MBP: variants seen among roughly 807,000 people sequenced by gnomAD.
The protein encoded by MBP is myelin basic protein, also known as Golli-MBP.
Under a neutral mutation model 35.8 loss-of-function variants are expected in MBP, and 16 were observed. The observed-to-expected ratio is 0.45, with a 90% CI of 0.30 to 0.68. The LOEUF (loss-of-function observed/expected upper bound fraction) is 0.68. Among genes scored for constraint, MBP ranks in the 30% least tolerant of loss-of-function variants. The pLI is 0.08. For missense variants in MBP, 380 were observed against 404.7 expected (o/e 0.94, Z 0.52); for synonymous variants, 143 against 159.6 (o/e 0.90, Z 0.78).
intron 2 of MBP, among the ~76,000 whole-genome samples, chr18:77,068,293 C>T (rs553149257): frequency 1.4e-4 from 21 of 152,164 alleles, no homozygotes; most frequent in African/African-American, 4.8e-4. Context: ...CAGACGCCCC[C>T]GTATGAAGTA....
intron 3 of MBP, among the ~76,000 whole-genome samples, chr18:77,018,215 A>G (rs62105706): frequency 0.28 from 41,549 of 146,500 alleles, 7,022 homozygotes; most frequent in Admixed American, 0.38. Flanking sequence ...CCATGCATCC[A>G]TCCATCCCCC....
At chr18:76,994,155 C>T (rs574331211) in intron 4 of MBP, among the ~76,000 whole-genome samples, 21 of 152,310 alleles carry the variant, frequency 1.4e-4, no homozygotes, top group Non-Finnish European at 2.2e-4. Flanking sequence ...AACTGTAAGA[C>T]GTACATCTTT....
In MBP at chr18:77,055,710, T is replaced by G. The variant is rs533596546; in HGVS notation, c.139+10588A>C. 4.6e-5 allele frequency among the ~76,000 whole-genome samples: 7 copies of G among 152,286 alleles called. No homozygotes were observed. The South Asian group carries it at 1.5e-3, about 32-fold the overall frequency. Reference sequence around the variant, plus strand: ...GCTTTAAATAAGGTGGTGTTTGGCCTCTGTTTTGTTTTCAGGTAAAGCAAA... The same window carrying G: ...GCTTTAAATAAGGTGGTGTTTGGCCGCTGTTTTGTTTTCAGGTAAAGCAAA... On this transcript the variant is annotated intron_variant, in intron 3 of 8. Coordinates refer to ENST00000355994, the MANE Select transcript of MBP (RefSeq NM_001025101.2).
chr18:77,131,073 GCGCACGCA>G lies in MBP; in HGVS notation c.-26+1499_-26+1506del, dbSNP rs753819106. ...CTCAAAAAACAAAACACACACACGCGCGCACGCACGCGCACACACACACACACACACAC... is the reference window on the plus strand; with the variant it reads ...CTCAAAAAACAAAACACACACACGCGCGCGCACACACACACACACACACAC... On this transcript the variant is annotated intron_variant, in intron 1 of 8. Coordinates refer to ENST00000355994, the MANE Select transcript of MBP (RefSeq NM_001025101.2). This position sits in a 1 kb window ranked among gnomAD's most constrained non-coding sequence, Gnocchi z 5.5. 5.8e-3 allele frequency among the ~76,000 whole-genome samples: 217 copies of G among 37,166 alleles called. 2 individuals carry two copies. Among genetic ancestry groups the G allele is most frequent in the Middle Eastern group, 0.04 (2 of 50 alleles). The allele number at this position is 37,166 out of a possible 152,430, so 24.4% of individuals were successfully genotyped here.
chr18:77,066,334 G>A lies in MBP; in HGVS notation c.103C>T (p.Leu35Phe), dbSNP rs780985755. The A allele has an allele frequency of 2.5e-6, 4 of 1,614,036 alleles. No homozygotes were observed. In the African/African-American group the frequency reaches 5.3e-5, roughly 22 times the overall value. ...ESEKKRNLGE[L>F]SRTTSEDNEV... ...TTGTCCTCTGAGGTTGTCCGTGAAA[G>A]TTCACCCAGGTTTCTCTTTTTTTCA... The change falls in exon 3 of 9, where the codon CTT (leucine) becomes TTT (phenylalanine). Residue 35 changes from leucine (L) to phenylalanine (F), a missense_variant. Transcript: ENST00000355994.
At chr18:77,016,207 T>C in intron 4 of MBP, 1 of 983,384 alleles carries the variant, frequency 1.0e-6, no homozygotes, top group Non-Finnish European at 1.2e-6. Flanking sequence ...ATAAAGAAAC[T>C]TCTAAGACTC....
rs1186389439 is a variant in MBP at position 77,131,019 on chromosome 18, T to A, written c.-26+1561A>T. On this transcript the variant is annotated intron_variant, in intron 1 of 8. Transcript: ENST00000355994. This position sits in a 1 kb window ranked among gnomAD's most constrained non-coding sequence, Gnocchi z 5.5. ...GTTCTTTTCCCTCAGATTTCTGTTT[T>A]TCCCACAAAAAAAAAAAAAAAACAA... is the stretch of plus-strand genomic sequence containing the variant. 9.8e-6 allele frequency among the ~76,000 whole-genome samples: 1 copy of A among 102,032 alleles called. No homozygotes were observed. Among genetic ancestry groups the A allele is most frequent in the Non-Finnish European group, 2.1e-5 (1 of 48,414 alleles). 66.9% of individuals were successfully genotyped at this position (102,032 alleles called of 152,430 possible). A position where few individuals can be genotyped will look rare whatever the true frequency, so the allele number is the denominator to read the frequency against.
chr18:77,096,507 A>C (rs1975762937), intron 2 of MBP, among the ~76,000 whole-genome samples: 1 of 152,220 alleles, frequency 6.6e-6, no homozygotes, highest in Non-Finnish European at 1.5e-5. Flanking sequence ...ACAGACCAAT[A>C]AGTTACTCTC....
At chr18:77,005,298 G>A (rs931687894) in intron 4 of MBP, 6 of 152,220 alleles carry the variant, frequency 3.9e-5, no homozygotes, top group Admixed American at 1.3e-4. Context: ...GCTTTCCGCC[G>A]GGTGGCTGTG....
intron 4 of MBP, among the ~76,000 whole-genome samples, chr18:76,997,925 G>A (rs969588894): frequency 9.9e-5 from 15 of 151,670 alleles, no homozygotes; most frequent in African/African-American, 1.9e-4. Flanking sequence ...CTCGTGATCC[G>A]CCCGCCTCGG....
intron 1 of MBP, among the ~76,000 whole-genome samples, chr18:77,129,340 G>A (rs1041131732): frequency 2.0e-5 from 3 of 152,208 alleles, no homozygotes; most frequent in African/African-American, 7.2e-5. Context: ...ACATGCACTC[G>A]TGGTTGTTGC....
rs555629128 is a variant in MBP at position 77,028,775 on chromosome 18, G to A, written c.140-11507C>T. Among the ~76,000 whole-genome samples, 67 of 103,596 alleles carry A rather than the reference G, an allele frequency of 6.5e-4. 13 individuals carry two copies. The East Asian group carries it at 0.017, about 27-fold the overall frequency. 68.0% of individuals were successfully genotyped at this position (103,596 alleles called of 152,430 possible). A position where few individuals can be genotyped will look rare whatever the true frequency, so the allele number is the denominator to read the frequency against. On this transcript the variant is annotated intron_variant, in intron 3 of 8. Transcript: ENST00000355994. ...TGATCCCCCCACCTCCCTCCCGGAC[G>A]GGGTGGCTGCTGGGCGGAGGGACTC...
At chr18:76,982,336 C>A (rs1481542647) in intron 8 of MBP, 1 of 152,240 alleles carries the variant, frequency 6.6e-6, no homozygotes, top group African/African-American at 2.4e-5. Flanking sequence ...GCTGAACTCA[C>A]AAGGTGAGGG....
chr18:77,034,908 C>T (rs562525295), intron 3 of MBP, among the ~76,000 whole-genome samples: 4 of 152,340 alleles, frequency 2.6e-5, no homozygotes, highest in African/African-American at 7.2e-5. Flanking sequence ...ACTGTGTTTC[C>T]TGAAGCCCGG....
chr18:77,029,444 G>GGGAGGA (rs1972455708), intron 3 of MBP, among the ~76,000 whole-genome samples: 1 of 127,954 alleles, frequency 7.8e-6, no homozygotes, highest in Non-Finnish European at 1.7e-5. Context: ...GAGAGGGAGG[G>GGGAGGA]GGAGGGGGAG....
At chr18:76,993,568 A>AC (rs567776054) in intron 4 of MBP, among the ~76,000 whole-genome samples, 3 of 150,992 alleles carry the variant, frequency 2.0e-5, no homozygotes, top group Non-Finnish European at 4.4e-5. Context: ...AAAAAAAAAA[A>AC]CAAAAGATCC....
chr18:77,102,481 T>C lies in MBP; in HGVS notation c.51+2730A>G, dbSNP rs1976070894. 6.6e-6 allele frequency among the ~76,000 whole-genome samples: 1 copy of C among 152,102 alleles called. No individual in the cohort carries two copies. Among genetic ancestry groups the C allele is most frequent in the Admixed American group, 6.6e-5 (1 of 15,262 alleles). On this transcript the variant is annotated intron_variant, in intron 2 of 8. Coordinates refer to ENST00000355994, the MANE Select transcript of MBP (RefSeq NM_001025101.2). The surrounding 1 kb of genome is among the most constrained non-coding windows in gnomAD (Gnocchi z 4.4). ...TTGGAAGGGCACAAAATATTTCCCA[T>C]CAAGTTTAAAGGAAAGAAAAAAAAG...
rs1568342304 is a variant in MBP at position 77,105,297 on chromosome 18, AAGAG to A, written c.-25-15_-25-12del. On this transcript the variant is annotated splice_polypyrimidine_tract_variant and intron_variant, in intron 1 of 8. Coordinates refer to ENST00000355994, the MANE Select transcript of MBP (RefSeq NM_001025101.2). ...TTGGCTCTTCAGAGGCTAAAAGAGAAAGAGAAAGTGTCAGCCCTAAGTCTAGTGC... is the reference window on the plus strand; with the variant it reads ...TTGGCTCTTCAGAGGCTAAAAGAGAAAAAGTGTCAGCCCTAAGTCTAGTGC... 6.4e-7 allele frequency: 1 copy of A among 1,566,836 alleles called. No homozygotes were observed. The highest frequency in any genetic ancestry group is 8.8e-7 in the Non-Finnish European group (1 of 1,137,834).
chr18:77,050,799 G>A (rs1599143664), intron 3 of MBP, among the ~76,000 whole-genome samples: 1 of 152,172 alleles, frequency 6.6e-6, no homozygotes, highest in Admixed American at 6.5e-5. Flanking sequence ...GCCCGCCTCG[G>A]ACTCCCAAAG....
Sources: allele counts gnomAD v4.1 joint callset (sites outside exome capture counted in the v4.1 genomes callset), GRCh38; gene constraint gnomAD v4.1.1; non-coding constraint Gnocchi (gnomAD v3.1); transcripts MANE v1.5; gene names NCBI Gene and HGNC (gene_info 2026-07-23, HGNC 2026-07-21).